DHX40: variants seen among roughly 807,000 people sequenced by gnomAD.
DHX40 encodes the protein DEAH-box helicase 40, also known as probable ATP-dependent RNA helicase DHX40.
Under a neutral mutation model 89.6 loss-of-function variants are expected in DHX40, and 28 were observed. That is an observed-to-expected ratio of 0.31 (90% CI 0.23 to 0.43). The LOEUF is 0.43. Among genes scored for constraint, DHX40 ranks in the 20% least tolerant of loss-of-function variants. The pLI, the probability that DHX40 is intolerant of heterozygous loss-of-function variation, is 1.00. For missense variants in DHX40, 457 were observed against 844.0 expected, an observed-to-expected ratio of 0.54 and a Z score of 5.68; for synonymous variants, 226 against 283.6, an observed-to-expected ratio of 0.80 and a Z score of 2.04.
At chr17:59,587,288 ATCT>A (rs1250806181) in intron 11 of DHX40, among the ~76,000 whole-genome samples, 2 of 150,814 alleles carry the variant, frequency 1.3e-5, no homozygotes, top group Admixed American at 1.3e-4. Context: ...CAATGGTGCA[ATCT>A]CACCTCACTG....
At chr17:59,568,049 A>G (rs2048733132) in intron 2 of DHX40, among the ~76,000 whole-genome samples, 1 of 151,730 alleles carries the variant, frequency 6.6e-6, no homozygotes. Flanking sequence ...CCTGGCCAAC[A>G]TGGTGAAACC....
intron 12 of DHX40, among the ~76,000 whole-genome samples, 178 bp downstream of exon 12, chr17:59,588,231 A>C (rs180885059): frequency 0.097 from 14,454 of 149,012 alleles, 1,443 homozygotes; most frequent in East Asian, 0.46. Flanking sequence ...AAAAAAAAAA[A>C]AAAAAAAAAA....
In DHX40 at chr17:59,570,078, AT is replaced by A. The variant is rs200663120; in HGVS notation, c.281-437del. Among the ~76,000 whole-genome samples, 69 of 103,254 alleles carry A rather than the reference AT, an allele frequency of 6.7e-4. 3 individuals carry two copies. The highest frequency in any genetic ancestry group is 1.0e-3 in the Admixed American group (9 of 8,598). 67.7% of individuals were successfully genotyped at this position (103,254 alleles called of 152,430 possible). A position where few individuals can be genotyped will look rare whatever the true frequency, so the allele number is the denominator to read the frequency against. On this transcript the variant is annotated intron_variant, in intron 2 of 17. Transcript: ENST00000251241. ...TAATATACATTATATTATAATGTAT[AT>A]TTATATATAATATATAGTATATATT...
chr17:59,600,572 A>G (rs543479039), intron 14 of DHX40, among the ~76,000 whole-genome samples: 9 of 152,174 alleles, frequency 5.9e-5, no homozygotes, highest in African/African-American at 2.2e-4. Flanking sequence ...TCTACTGGGC[A>G]TTGATGATTA....
chr17:59,585,678 G>A (rs941661369), intron 10 of DHX40, among the ~76,000 whole-genome samples: 14 of 150,700 alleles, frequency 9.3e-5, no homozygotes, highest in Non-Finnish European at 1.9e-4. Flanking sequence ...ATCAGAGATC[G>A]TGCCATTGCA....
rs761144977 is a variant in DHX40 at position 59,566,802 on chromosome 17, T to C, written c.280+8T>C. Reference sequence around the variant, plus strand: ...AATATCTATATGAAGCAGGTGATTTTTTTCTGTTGTAATAATTGGAAATAT... The same window carrying C: ...AATATCTATATGAAGCAGGTGATTTCTTTCTGTTGTAATAATTGGAAATAT... On this transcript the variant is annotated splice_region_variant and intron_variant, in intron 2 of 17. Transcript: ENST00000251241. 44 of 1,560,958 alleles carry C rather than the reference T, an allele frequency of 2.8e-5. No homozygotes were observed. The highest frequency in any genetic ancestry group is 3.7e-5 in the Non-Finnish European group (43 of 1,162,158).
At chr17:59,577,065 C>G (rs1477233406) in intron 7 of DHX40, 3 of 600,544 alleles carry the variant, frequency 5.0e-6, no homozygotes, top group East Asian at 3.3e-5. Flanking sequence ...GAGACAGGGT[C>G]TCACCATGTT....
intron 6 of DHX40, among the ~76,000 whole-genome samples, chr17:59,574,560 C>T (rs1445230613): frequency 6.7e-6 from 1 of 149,906 alleles, no homozygotes; most frequent in Non-Finnish European, 1.5e-5. Flanking sequence ...TGTATATATA[C>T]ACACACATAT....
chr17:59,603,040 A>C (rs2030629360), intron 15 of DHX40, among the ~76,000 whole-genome samples: 1 of 152,156 alleles, frequency 6.6e-6, no homozygotes, highest in South Asian at 2.1e-4. Flanking sequence ...GTAGTGAGGA[A>C]GGCATCTTTA....
rs550841475 is a variant in DHX40 at position 59,573,371 on chromosome 17, C to A, written c.546+136C>A. ...TAGAGATGGAGTCTTGCTCCATCAC[C>A]CAGGCTGGAGAGCAGTGGCACGATC... On this transcript the variant is annotated intron_variant, in intron 4 of 17. Coordinates refer to ENST00000251241, the MANE Select transcript of DHX40 (RefSeq NM_024612.5). 4.1e-4 allele frequency: 316 copies of A among 765,938 alleles called. 4 individuals are homozygous for A. Among genetic ancestry groups the A allele is most frequent in the Non-Finnish European group, 2.2e-5 (11 of 493,164 alleles). The allele number at this position is 765,938 out of a possible 1,614,324, so 47.4% of individuals were successfully genotyped here. A position where few individuals can be genotyped will look rare whatever the true frequency, so the allele number is the denominator to read the frequency against.
At chr17:59,572,382 A>G (rs1252426064) in intron 3 of DHX40, among the ~76,000 whole-genome samples, 1 of 152,014 alleles carries the variant, frequency 6.6e-6, no homozygotes, top group Non-Finnish European at 1.5e-5. Flanking sequence ...TTGTTGAGTA[A>G]CACATTTTTA....
At chr17:59,600,977 C>G (rs1007760703) in intron 14 of DHX40, among the ~76,000 whole-genome samples, 4 of 149,708 alleles carry the variant, frequency 2.7e-5, no homozygotes, top group African/African-American at 9.9e-5. Context: ...TCATCCCATA[C>G]TATAATAAAA....
intron 15 of DHX40, 28 bp from the exon 16 acceptor site, chr17:59,605,087 C>T (rs771475690): frequency 2.5e-6 from 4 of 1,602,252 alleles, no homozygotes; most frequent in Admixed American, 1.7e-5. Context: ...CTGTTGTAGT[C>T]TTTATCATTT....
At chr17:59,595,488 A>T (rs1239660187) in intron 12 of DHX40, among the ~76,000 whole-genome samples, 1 of 150,548 alleles carries the variant, frequency 6.6e-6, no homozygotes, top group African/African-American at 2.5e-5. Flanking sequence ...ATTAAGAAAA[A>T]GTATGTCATG....
At position 59,576,362 on chromosome 17, in the gene DHX40, T is replaced by G. The variant is rs1012651501; in HGVS notation, c.973+891T>G. ...GGTTTAGAATTTGTTTTATAAAACT[T>G]TTATTATGGAATTTAACTTGTAAAG... On this transcript the variant is annotated intron_variant, in intron 7 of 17. Coordinates refer to ENST00000251241, the MANE Select transcript of DHX40 (RefSeq NM_024612.5). Among the ~76,000 whole-genome samples the G allele has an allele frequency of 2.8e-4, 43 of 151,200 alleles. 1 individual carries two copies. The highest frequency in any genetic ancestry group is 1.0e-4 in the Non-Finnish European group (7 of 67,810).
chr17:59,587,783 T>G, intron 11 of DHX40, 113 bp from the exon 12 acceptor site: 1 of 1,430,198 alleles, frequency 7.0e-7, no homozygotes, highest in East Asian at 2.3e-5. Context: ...GAATTGAACT[T>G]CTGGAGGTGA....
intron 14 of DHX40, among the ~76,000 whole-genome samples, chr17:59,599,828 CTT>C (rs1299556546): frequency 2.1e-5 from 3 of 143,868 alleles, no homozygotes; most frequent in Non-Finnish European, 1.5e-5. Flanking sequence ...TCCCCCCCAC[CTT>C]TTTTTTTTTT....
chr17:59,567,863 C>T (rs1229689279), intron 2 of DHX40, among the ~76,000 whole-genome samples: 9 of 150,498 alleles, frequency 6.0e-5, no homozygotes, highest in Middle Eastern at 3.5e-3. Flanking sequence ...ATCTGGGAGG[C>T]GGAGCTTGCA....
chr17:59,574,566 CAT>C (rs1012246161), intron 6 of DHX40, among the ~76,000 whole-genome samples: 1 of 150,038 alleles, frequency 6.7e-6, no homozygotes, highest in Non-Finnish European at 1.5e-5. Flanking sequence ...TATACACACA[CAT>C]ATATGTCAAA....
Sources: allele counts gnomAD v4.1 joint callset (sites outside exome capture counted in the v4.1 genomes callset), GRCh38; gene constraint gnomAD v4.1.1; transcripts MANE v1.5; gene names NCBI Gene and HGNC (gene_info 2026-07-23, HGNC 2026-07-21).